Variants in FAM135B observed in about 807,000 individuals in gnomAD.
FAM135B encodes the protein protein FAM135B.
A neutral mutation model predicts 127.7 loss-of-function variants in FAM135B; 43 were observed. That is an observed-to-expected ratio of 0.34 (90% confidence interval 0.26 to 0.43). The LOEUF (loss-of-function observed/expected upper bound fraction) is 0.43, where lower values mean the gene tolerates loss of function less well. Among genes scored for constraint, FAM135B ranks in the 20% least tolerant of loss-of-function variants. The probability of loss-of-function intolerance (pLI) is 1.00; values close to 1 mark genes in which losing one functional copy is unlikely to be tolerated. For synonymous variants in FAM135B, 670 were observed against 665.1 expected, an observed-to-expected ratio of 1.01 and a Z score of -0.11; for missense variants, 1,558 against 1,725.6, an observed-to-expected ratio of 0.90 and a Z score of 1.72.
intron 7 of FAM135B, among the ~76,000 whole-genome samples, chr8:138,231,783 G>T (rs1819925870): frequency 6.6e-6 from 1 of 152,110 alleles, no homozygotes; most frequent in Non-Finnish European, 1.5e-5. Flanking sequence ...GTGTGAGGAG[G>T]CATATTAAAA....
chr8:138,431,559 T>C (rs997605124), intron 1 of FAM135B, among the ~76,000 whole-genome samples: 5 of 152,204 alleles, frequency 3.3e-5, no homozygotes, highest in South Asian at 2.1e-4. Context: ...CATGTGACAA[T>C]TGCATCTTCA....
intron 4 of FAM135B, among the ~76,000 whole-genome samples, chr8:138,262,626 C>T (rs562789913): frequency 5.3e-5 from 8 of 152,008 alleles, no homozygotes; most frequent in Non-Finnish European, 1.2e-4. Flanking sequence ...AACGGCTGGG[C>T]GCGGTGGCTC....
intron 1 of FAM135B, among the ~76,000 whole-genome samples, chr8:138,492,770 T>C (rs549261208): frequency 6.6e-6 from 1 of 152,186 alleles, no homozygotes; most frequent in Non-Finnish European, 1.5e-5. Context: ...GCTTAGACTC[T>C]CTCTCCTTTA....
intron 1 of FAM135B, among the ~76,000 whole-genome samples, chr8:138,442,892 C>T (rs1835888381): frequency 1.3e-5 from 2 of 152,120 alleles, no homozygotes; most frequent in African/African-American, 4.8e-5. Flanking sequence ...TAATGCAATG[C>T]CACTGACAAA....
intron 3 of FAM135B, among the ~76,000 whole-genome samples, chr8:138,293,995 C>T (rs1222675423): frequency 6.6e-6 from 1 of 152,110 alleles, no homozygotes; most frequent in African/African-American, 2.4e-5. Context: ...TGGAACCAAA[C>T]TAAGTGTCCA....
rs549823616 is a variant in FAM135B at position 138,366,171 on chromosome 8, T to C, written c.77+1736A>G. 7.2e-5 allele frequency among the ~76,000 whole-genome samples: 11 copies of C among 152,310 alleles called. No homozygotes were observed. In the East Asian group the frequency reaches 2.1e-3, roughly 29 times the overall value. On this transcript the variant is annotated intron_variant, in intron 2 of 19. Transcript: ENST00000395297. ...AGAGCTATGTACTGTTCTACTTCCC[T>C]AATCCCAAGTTATCTATCTGGTAAA...
rs1411347732 is a variant in FAM135B at position 138,243,648 on chromosome 8, G to A, written c.543-580C>T. ...AAATGTGCAGTTCCTGCCCAGCTCT[G>A]CAATCCAAAGATTAATGGACATATT... On this transcript the variant is annotated intron_variant, in intron 6 of 19. Coordinates refer to ENST00000395297, the MANE Select transcript of FAM135B (RefSeq NM_015912.4). The surrounding 1 kb of genome is among the most constrained non-coding windows in gnomAD (Gnocchi z 7.5). Among the ~76,000 whole-genome samples, 3 of 152,190 alleles carry A rather than the reference G, an allele frequency of 2.0e-5. No homozygotes were observed. The highest frequency in any genetic ancestry group is 4.4e-5 in the Non-Finnish European group (3 of 68,032).
At chr8:138,206,512 C>T (rs1817643122) in intron 7 of FAM135B, among the ~76,000 whole-genome samples, 9 of 151,564 alleles carry the variant, frequency 5.9e-5, no homozygotes, top group Admixed American at 2.0e-4. Context: ...GACCTACCCA[C>T]AGCTCTATCA....
chr8:138,226,184 T>TGTGTGTGTGTGTGTGTGCGCGC, intron 7 of FAM135B, among the ~76,000 whole-genome samples: 30 of 139,290 alleles, frequency 2.2e-4, no homozygotes, highest in South Asian at 4.5e-4. Context: ...TGTGTGTGTG[T>TGTGTGTGTGTGTGTGTGCGCGC]GCGCGCATGT....
At chr8:138,294,110 T>C (rs1039908655) in intron 3 of FAM135B, among the ~76,000 whole-genome samples, 3 of 151,866 alleles carry the variant, frequency 2.0e-5, no homozygotes, top group African/African-American at 7.3e-5. Context: ...TCAGGTGGAG[T>C]TGGAGGCCAT....
intron 1 of FAM135B, among the ~76,000 whole-genome samples, chr8:138,378,971 T>C (rs573418608): frequency 6.6e-6 from 1 of 152,278 alleles, no homozygotes; most frequent in East Asian, 1.9e-4. Context: ...GCCAATGCCA[T>C]CACTATTTGC....
At chr8:138,205,466 T>G (rs1367215523) in intron 7 of FAM135B, among the ~76,000 whole-genome samples, 1 of 152,160 alleles carries the variant, frequency 6.6e-6, no homozygotes, top group African/African-American at 2.4e-5. Flanking sequence ...GGTCCAGGTT[T>G]AAAAAGGAAA....
chr8:138,434,394 C>T (rs1835354553), intron 1 of FAM135B, among the ~76,000 whole-genome samples: 1 of 152,172 alleles, frequency 6.6e-6, no homozygotes, highest in African/African-American at 2.4e-5. Context: ...TCCATGACTG[C>T]TCTCCACTTT....
chr8:138,492,318 CATTTCTCTGATACCTTCCTTCT>C (rs2131699202), intron 1 of FAM135B, among the ~76,000 whole-genome samples: 1 of 152,272 alleles, frequency 6.6e-6, no homozygotes, highest in South Asian at 2.1e-4. Context: ...GCAATCTGTT[CATTTCTCTGATACCTTCCTTCT>C]GTTCCTCTCT....
chr8:138,155,443 G>C (rs201792637), intron 12 of FAM135B, among the ~76,000 whole-genome samples: 16 of 151,982 alleles, frequency 1.1e-4, no homozygotes, highest in Non-Finnish European at 1.5e-4. Context: ...TCACACATAA[G>C]AATATTAAAC....
chr8:138,209,026 A>G (rs1817932958), intron 7 of FAM135B, among the ~76,000 whole-genome samples: 1 of 152,150 alleles, frequency 6.6e-6, no homozygotes, highest in Admixed American at 6.5e-5. Flanking sequence ...AGAGAACTAT[A>G]TTTTCATATT....
At chr8:138,173,327 TTTATTTC>T (rs1814097839) in intron 11 of FAM135B, among the ~76,000 whole-genome samples, 1 of 152,164 alleles carries the variant, frequency 6.6e-6, no homozygotes, top group Non-Finnish European at 1.5e-5. Context: ...TGCATTTCAC[TTTATTTC>T]TTATCATGTG....
At chr8:138,139,770 AAAC>A (rs368972699) in intron 17 of FAM135B, among the ~76,000 whole-genome samples, 11 of 152,328 alleles carry the variant, frequency 7.2e-5, no homozygotes, top group Admixed American at 1.3e-4. Context: ...CTCTCTCAAA[AAAC>A]AACAACAACA....
intron 1 of FAM135B, among the ~76,000 whole-genome samples, chr8:138,465,378 A>C (rs1232369477): frequency 6.6e-6 from 1 of 152,194 alleles, no homozygotes; most frequent in Admixed American, 6.5e-5. Flanking sequence ...GGAGCATCTC[A>C]GGCTTCAAGG....
Sources: allele counts gnomAD v4.1 joint callset (sites outside exome capture counted in the v4.1 genomes callset), GRCh38; gene constraint gnomAD v4.1.1; non-coding constraint Gnocchi (gnomAD v3.1); transcripts MANE v1.5; gene names NCBI Gene and HGNC (gene_info 2026-07-23, HGNC 2026-07-21).